The following CIMIP6 variants were observed in gnomAD, a reference collection of about 807,000 sequenced individuals.
CIMIP6 encodes the protein ciliary microtubule inner protein 6, also known as uncharacterized protein C2orf73.
At chr2:54,344,196 G>C in the CIMIP6 span, among the ~76,000 whole-genome samples, 3 of 152,164 alleles carry the variant, frequency 2.0e-5, no homozygotes, top group African/African-American at 7.2e-5. Flanking sequence ...CTTCAAGGAA[G>C]GTAGCTGATG....
At chr2:54,345,987 C>T in the CIMIP6 span, among the ~76,000 whole-genome samples, 1 of 152,194 alleles carries the variant, frequency 6.6e-6, no homozygotes, top group Non-Finnish European at 1.5e-5. Flanking sequence ...AGGGGAAATA[C>T]TTTTTGACCT....
chr2:54,346,298 CATT>C, the CIMIP6 span, among the ~76,000 whole-genome samples: 1 of 152,096 alleles, frequency 6.6e-6, no homozygotes, highest in Non-Finnish European at 1.5e-5. Flanking sequence ...GTGCTAACAT[CATT>C]ATTTGCAATA....
the CIMIP6 span, among the ~76,000 whole-genome samples, chr2:54,342,220 A>G: frequency 1.3e-5 from 2 of 152,136 alleles, no homozygotes; most frequent in African/African-American, 2.4e-5. Context: ...GTTCTTTGGT[A>G]TGTGTTCATC....
At chr2:54,361,086 T>C in the CIMIP6 span, 1 of 152,242 alleles carries the variant, frequency 6.6e-6, no homozygotes, top group Non-Finnish European at 1.5e-5. Context: ...CTACTATAAT[T>C]CAATTTTCAA....
At chr2:54,340,684 C>T in the CIMIP6 span, among the ~76,000 whole-genome samples, 4 of 152,150 alleles carry the variant, frequency 2.6e-5, no homozygotes, top group Non-Finnish European at 4.4e-5. Context: ...AAAAACTGTT[C>T]TCTATTTCCT....
chr2:54,366,188 C>T, the CIMIP6 span, among the ~76,000 whole-genome samples: 2 of 152,126 alleles, frequency 1.3e-5, no homozygotes, highest in African/African-American at 4.8e-5. Flanking sequence ...GGGATATAAC[C>T]AGAGCAGCAT....
At chr2:54,379,976 TAAAAAAA>T in the CIMIP6 span, among the ~76,000 whole-genome samples, 1 of 136,708 alleles carries the variant, frequency 7.3e-6, no homozygotes, top group Non-Finnish European at 1.6e-5. Flanking sequence ...AAAGTCCTTC[TAAAAAAA>T]AAAAAAAAAA....
At chr2:54,366,159 G>A in the CIMIP6 span, among the ~76,000 whole-genome samples, 10 of 152,186 alleles carry the variant, frequency 6.6e-5, no homozygotes, top group Non-Finnish European at 1.3e-4. Context: ...TAGCTGGGTT[G>A]ACTATATTAC....
At chr2:54,354,067 A>T in the CIMIP6 span, among the ~76,000 whole-genome samples, 2 of 152,176 alleles carry the variant, frequency 1.3e-5, no homozygotes, top group African/African-American at 4.8e-5. Flanking sequence ...TTTCCAGCAT[A>T]GAGTGAACCA....
At chr2:54,375,761 C>T in the CIMIP6 span, among the ~76,000 whole-genome samples, 3 of 152,184 alleles carry the variant, frequency 2.0e-5, no homozygotes, top group African/African-American at 7.2e-5. Flanking sequence ...GAATTCTCTA[C>T]TGTGCATTTG....
At chr2:54,360,425 G>C in the CIMIP6 span, 248 of 1,600,054 alleles carry the variant, frequency 1.5e-4, no homozygotes, top group Non-Finnish European at 2.0e-4. Context: ...AGAAACAGAC[G>C]TCAGACAGGC....
chr2:54,349,692 C>T, the CIMIP6 span, among the ~76,000 whole-genome samples: 19 of 152,126 alleles, frequency 1.2e-4, no homozygotes, highest in Non-Finnish European at 2.1e-4. Context: ...AGATATTCCT[C>T]ACTATTGTGG....
chr2:54,372,611 T>G, the CIMIP6 span, among the ~76,000 whole-genome samples: 1 of 152,116 alleles, frequency 6.6e-6, no homozygotes, highest in African/African-American at 2.4e-5. Context: ...TGCTGTGAGG[T>G]CATGCCAACC....
chr2:54,368,250 A>T, the CIMIP6 span, among the ~76,000 whole-genome samples: 1 of 152,188 alleles, frequency 6.6e-6, no homozygotes, highest in African/African-American at 2.4e-5. Flanking sequence ...GGATAGTGGG[A>T]AGGTACTTTT....
At chr2:54,373,228 A>G in the CIMIP6 span, among the ~76,000 whole-genome samples, 10 of 152,012 alleles carry the variant, frequency 6.6e-5, no homozygotes, top group Admixed American at 3.3e-4. Context: ...CCCCTCTCCA[A>G]CCAGCCACGC....
chr2:54,376,379 T>C, the CIMIP6 span, among the ~76,000 whole-genome samples: 14 of 152,202 alleles, frequency 9.2e-5, no homozygotes, highest in Non-Finnish European at 4.4e-5. Context: ...CTTAACTATA[T>C]TCCTGTCGTC....
chr2:54,372,802 A>G, the CIMIP6 span, among the ~76,000 whole-genome samples: 1 of 152,178 alleles, frequency 6.6e-6, no homozygotes, highest in Non-Finnish European at 1.5e-5. Flanking sequence ...CTACTGCATA[A>G]CAAAGTGGTG....
At chr2:54,360,530 C>A in the CIMIP6 span, 1 of 1,511,344 alleles carries the variant, frequency 6.6e-7, no homozygotes, top group Non-Finnish European at 8.8e-7. Context: ...TAGGCACAAG[C>A]CTTTAAATCC....
chr2:54,369,161 C>G, the CIMIP6 span, among the ~76,000 whole-genome samples: 1 of 152,106 alleles, frequency 6.6e-6, no homozygotes, highest in African/African-American at 2.4e-5. Context: ...TCCTCAGTTA[C>G]CAAAACACTG....
Sources: gnomAD v4.1 joint callset for allele counts (sites outside exome capture counted in the v4.1 genomes callset) on GRCh38, gnomAD v4.1.1 for gene constraint, MANE v1.5 for transcripts, NCBI Gene and HGNC (gene_info 2026-07-23, HGNC 2026-07-21) for gene names.